The following LYRM4 variants were observed in gnomAD, a reference collection of about 807,000 sequenced individuals.
LYRM4 encodes the protein LYR motif-containing protein 4.
A neutral mutation model predicts 11.7 loss-of-function variants in LYRM4; 9 were observed. The observed-to-expected ratio is 0.77, with a 90% CI of 0.46 to 1.34. The LOEUF is 1.34. Among genes scored for constraint, LYRM4 ranks in the 40% most tolerant of loss-of-function variants. The pLI is 0.00. For synonymous variants in LYRM4, 42 were observed against 40.4 expected (o/e 1.04, Z -0.15); for missense variants, 133 against 112.5 (o/e 1.18, Z -0.82).
intron 1 of LYRM4, among the ~76,000 whole-genome samples, chr6:5,236,847 T>C (rs1250055708): frequency 6.6e-6 from 1 of 151,456 alleles, no homozygotes; most frequent in Non-Finnish European, 1.5e-5. Context: ...GCCCCAGCTA[T>C]TTGGGAGCCT....
intron 1 of LYRM4, among the ~76,000 whole-genome samples, chr6:5,228,183 A>G (rs1462048310): frequency 6.6e-6 from 1 of 152,200 alleles, no homozygotes; most frequent in Non-Finnish European, 1.5e-5. Flanking sequence ...TATTGATCAC[A>G]ATGTAGTAAA....
At chr6:5,120,176 T>C (rs1325926394) in intron 2 of LYRM4, among the ~76,000 whole-genome samples, 1 of 152,200 alleles carries the variant, frequency 6.6e-6, no homozygotes, top group Admixed American at 6.5e-5. Context: ...ATTATAGGCA[T>C]GAGGCACGGT....
intron 1 of LYRM4, among the ~76,000 whole-genome samples, chr6:5,225,247 CAAAAAAAAA>C (rs35803077): frequency 4.0e-4 from 31 of 77,018 alleles, no homozygotes; most frequent in Admixed American, 7.3e-4. Context: ...GACTCCGAAT[CAAAAAAAAA>C]AAAAAAAAAA....
the LYRM4 span, among the ~76,000 whole-genome samples, chr6:5,055,392 C>G: frequency 6.6e-6 from 1 of 152,144 alleles, no homozygotes; most frequent in Non-Finnish European, 1.5e-5. The surrounding 1 kb of genome is among the most constrained non-coding windows in gnomAD (Gnocchi z 4.5). Flanking sequence ...CAAATACGTT[C>G]TGGTTTACAG....
At chr6:5,231,169 G>A (rs978493181) in intron 1 of LYRM4, among the ~76,000 whole-genome samples, 2 of 151,874 alleles carry the variant, frequency 1.3e-5, no homozygotes, top group East Asian at 3.9e-4. Flanking sequence ...CCCAGCTACT[G>A]CACTCCGGTC....
chr6:5,141,156 C>T (rs1757386077), intron 2 of LYRM4, among the ~76,000 whole-genome samples: 1 of 152,222 alleles, frequency 6.6e-6, no homozygotes, highest in South Asian at 2.1e-4. Flanking sequence ...GTTGAGGGTA[C>T]TGGCCCTTCA....
At chr6:5,245,109 AAAAAATATATATATATATAT>A (rs1764103504) in intron 1 of LYRM4, among the ~76,000 whole-genome samples, 17 of 40,128 alleles carry the variant, frequency 4.2e-4, no homozygotes, top group African/African-American at 1.4e-3. Flanking sequence ...AAAAAAAAAA[AAAAAATATATATATATATAT>A]ATATATATAT....
At chr6:5,139,509 A>T (rs1392766341) in intron 2 of LYRM4, among the ~76,000 whole-genome samples, 1 of 152,180 alleles carries the variant, frequency 6.6e-6, no homozygotes, top group Non-Finnish European at 1.5e-5. Context: ...TTTTGCTATG[A>T]TTGTGTTTAA....
At chr6:5,032,831 T>C in the LYRM4 span, 21 of 152,388 alleles carry the variant, frequency 1.4e-4, no homozygotes, top group Admixed American at 1.4e-3. Context: ...CAGTCCATGC[T>C]TTCAGAACAG....
the LYRM4 span, among the ~76,000 whole-genome samples, chr6:5,040,352 GATACATACATAC>G: frequency 1.8e-3 from 230 of 130,182 alleles, 1 homozygote; most frequent in African/African-American, 6.9e-3. Flanking sequence ...TAGATAGATA[GATACATACATAC>G]ATACATACAT....
chr6:5,050,742 C>G, the LYRM4 span, among the ~76,000 whole-genome samples: 1 of 152,086 alleles, frequency 6.6e-6, no homozygotes, highest in Non-Finnish European at 1.5e-5. Flanking sequence ...CAGAGAGTTA[C>G]AGAGTTACAT....
At chr6:5,070,569 ATT>A in the LYRM4 span, among the ~76,000 whole-genome samples, 1 of 152,182 alleles carries the variant, frequency 6.6e-6, no homozygotes, top group African/African-American at 2.4e-5. Context: ...ATCTTCAGAA[ATT>A]TTCTCTTAAA....
chr6:5,068,843 A>ATTGTGCCTAAAAACT, the LYRM4 span, among the ~76,000 whole-genome samples: 1 of 152,234 alleles, frequency 6.6e-6, no homozygotes, highest in Non-Finnish European at 1.5e-5. The surrounding 1 kb of genome is among the most constrained non-coding windows in gnomAD (Gnocchi z 4.0). Flanking sequence ...TTCTTTGGGC[A>ATTGTGCCTAAAAACT]TTGTGCCTAT....
chr6:5,260,541 G>C, intron 1 of LYRM4, 107 bp downstream of exon 1: 2 of 1,442,138 alleles, frequency 1.4e-6, no homozygotes, highest in South Asian at 2.5e-5. Context: ...GCAGCCGCCG[G>C]CAAACCACGG....
the LYRM4 span, among the ~76,000 whole-genome samples, chr6:5,056,487 G>A: frequency 1.3e-5 from 2 of 152,122 alleles, no homozygotes; most frequent in Admixed American, 1.3e-4. Context: ...TGCACTTTAA[G>A]CGGATCTTTT....
intron 2 of LYRM4, among the ~76,000 whole-genome samples, chr6:5,156,575 A>G (rs1888148): frequency 0.31 from 47,682 of 152,200 alleles, 7,754 homozygotes; most frequent in Middle Eastern, 0.38. Flanking sequence ...CTGCCCGTGC[A>G]TCTTGAAGGA....
chr6:5,073,088 T>C, the LYRM4 span, among the ~76,000 whole-genome samples: 1 of 152,126 alleles, frequency 6.6e-6, no homozygotes, highest in Non-Finnish European at 1.5e-5. Context: ...AAAAATGTAG[T>C]ATAGGGGCCG....
chr6:5,096,200 C>T, the LYRM4 span, among the ~76,000 whole-genome samples: 1 of 152,098 alleles, frequency 6.6e-6, no homozygotes, highest in Admixed American at 6.5e-5. Context: ...AACAAAGAAA[C>T]TGCCACTAGG....
intron 1 of LYRM4, among the ~76,000 whole-genome samples, chr6:5,228,060 T>A (rs1762997353): frequency 6.6e-6 from 1 of 152,126 alleles, no homozygotes; most frequent in Non-Finnish European, 1.5e-5. Flanking sequence ...AGATGATGGG[T>A]TGATAGGTGC....
Sources: gnomAD v4.1 joint callset for allele counts (sites outside exome capture counted in the v4.1 genomes callset) on GRCh38, gnomAD v4.1.1 for gene constraint, Gnocchi (gnomAD v3.1) non-coding constraint, MANE v1.5 for transcripts, NCBI Gene and HGNC (gene_info 2026-07-23, HGNC 2026-07-21) for gene names.